UTP20: variants seen among roughly 807,000 people sequenced by gnomAD.
UTP20 encodes the protein UTP20 small subunit processome component.
UTP20 carries 164 observed loss-of-function variants against 329.5 expected under a neutral mutation model. The observed-to-expected ratio is 0.50, with a 90% CI of 0.44 to 0.57. The LOEUF (loss-of-function observed/expected upper bound fraction) is 0.57, where lower values mean the gene tolerates loss of function less well. Among genes scored for constraint, UTP20 ranks in the 20% least tolerant of loss-of-function variants. The probability of loss-of-function intolerance (pLI) is 0.00; values close to 1 mark genes in which losing one functional copy is unlikely to be tolerated. For missense variants in UTP20, 3,055 were observed against 3,284.2 expected, an observed-to-expected ratio of 0.93 and a Z score of 1.71; for synonymous variants, 1,151 against 1,159.3, an observed-to-expected ratio of 0.99 and a Z score of 0.14.
chr12:101,369,738 A>G lies in UTP20; in HGVS notation c.6402A>G (p.Leu2134=), dbSNP rs764960098. Residue 2134 remains leucine (L), a synonymous_variant, in exon 49 of 62, where the codon TTA becomes TTG. Transcript: ENST00000261637. ...SMDVKVITGA[L]QCLIWVLRFP... is the part of the protein sequence containing the mutation. The stretch of plus-strand genomic sequence containing the variant: ...TTTTTCAGGTGATCACAGGTGCTTT[A>G]CAGTGCCTCATCTGGGTCTTGAGGT... The G allele has an allele frequency of 1.9e-6, 3 of 1,582,188 alleles. No homozygotes were observed. The East Asian group carries it at 6.7e-5, about 35-fold the overall frequency.
chr12:101,306,098 C>T (rs1376413054), intron 16 of UTP20, 33 bp downstream of exon 16: 8 of 1,574,768 alleles, frequency 5.1e-6, no homozygotes, highest in Admixed American at 1.8e-5. Flanking sequence ...TGTCCTCAGT[C>T]TCTCTTCTCC....
At position 101,357,016 on chromosome 12, in the gene UTP20, T is replaced by C. The variant is rs773625131; in HGVS notation, c.5625T>C (p.Asp1875=). 2.5e-6 allele frequency: 4 copies of C among 1,613,912 alleles called. No individual in the cohort carries two copies. The highest frequency in any genetic ancestry group is 3.4e-6 in the Non-Finnish European group (4 of 1,179,934). ...ARSTLAKIIE[D]LGVHFLLYVL... ...GCACTCTTGCGAAAATAATAGAGGATCTTGGTGTGCACTTCCTCCTATATG... is the reference window on the plus strand; with the variant it reads ...GCACTCTTGCGAAAATAATAGAGGACCTTGGTGTGCACTTCCTCCTATATG... Residue 1875 remains aspartate (D), a synonymous_variant, in exon 43 of 62, where the codon GAT becomes GAC. Coordinates refer to ENST00000261637, the MANE Select transcript of UTP20 (RefSeq NM_014503.3).
In UTP20 at chr12:101,383,185, T is replaced by A; in HGVS notation, c.7801T>A (p.Ser2601Thr). ...GVACADEKAESDGEEKEEVKE... is the reference protein window; with the variant it reads ...GVACADEKAETDGEEKEEVKE... Reference sequence around the variant, plus strand: ...GGCCTGTGCAGATGAGAAGGCGGAGTCTGACGGAGAAGAGAAGGAAGAGGT... The same window carrying A: ...GGCCTGTGCAGATGAGAAGGCGGAGACTGACGGAGAAGAGAAGGAAGAGGT... Residue 2601 changes from serine (S) to threonine (T), a missense_variant, in exon 59 of 62, where the codon TCT becomes ACT. By Grantham distance (58) the Ser-to-Thr change is moderately conservative. Transcript: ENST00000261637. 2 of 1,613,666 alleles carry A rather than the reference T, an allele frequency of 1.2e-6. No homozygotes were observed. The highest frequency in any genetic ancestry group is 1.7e-6 in the Non-Finnish European group (2 of 1,179,906).
chr12:101,384,964 C>G (rs1401336246), intron 60 of UTP20, among the ~76,000 whole-genome samples: 1 of 152,076 alleles, frequency 6.6e-6, no homozygotes, highest in East Asian at 1.9e-4. Flanking sequence ...AGCTTGTGAT[C>G]TAGAACAGAT....
rs75708807 is a variant in UTP20, at chr12:101,379,278, A to G, written c.7397-93A>G. ...GTTCATCTTTGGTTCCCCACTCCAA[A>G]CACATAATACTCTGTAAATGCTTAA... On this transcript the variant is annotated intron_variant, in intron 56 of 61. Coordinates refer to ENST00000261637, the MANE Select transcript of UTP20 (RefSeq NM_014503.3). 9.8e-4 allele frequency: 1,167 copies of G among 1,190,702 alleles called. 15 individuals carry two copies. In the African/African-American group the frequency reaches 0.016, roughly 17 times the overall value. 73.8% of individuals were successfully genotyped at this position (1,190,702 alleles called of 1,614,324 possible). A position where few individuals can be genotyped will look rare whatever the true frequency, so the allele number is the denominator to read the frequency against.
In UTP20 at chr12:101,385,439, A is replaced by G. The variant is rs878986131; in HGVS notation, c.8057-144A>G. On this transcript the variant is annotated intron_variant, in intron 60 of 61. Coordinates refer to ENST00000261637, the MANE Select transcript of UTP20 (RefSeq NM_014503.3). ...GAAGTAACAGTGATAATGCTGCAAG[A>G]GTTGAAATTTTGTTTTGTTTTATTT... 9.0e-6 allele frequency: 8 copies of G among 891,118 alleles called. No homozygotes were observed. The South Asian group carries it at 1.2e-4, about 13-fold the overall frequency. 55.2% of individuals were successfully genotyped at this position (891,118 alleles called of 1,614,324 possible). A position where few individuals can be genotyped will look rare whatever the true frequency, so the allele number is the denominator to read the frequency against.
intron 51 of UTP20, 129 bp downstream of exon 51, chr12:101,371,297 G>A (rs963461493): frequency 1.8e-5 from 12 of 671,372 alleles, no homozygotes; most frequent in African/African-American, 7.4e-5. Context: ...TGAGACTTGG[G>A]CGTCCTGGTG....
chr12:101,307,833 T>C (rs1044879452), intron 17 of UTP20, among the ~76,000 whole-genome samples: 1 of 152,238 alleles, frequency 6.6e-6, no homozygotes, highest in African/African-American at 2.4e-5. Context: ...GATATGTTTA[T>C]GTAGGGAAAT....
At chr12:101,307,205 T>C (rs947645828) in intron 17 of UTP20, among the ~76,000 whole-genome samples, 2 of 151,396 alleles carry the variant, frequency 1.3e-5, no homozygotes, top group Non-Finnish European at 2.9e-5. Flanking sequence ...TTGATTTTTT[T>C]TTTTTGGTAA....
At chr12:101,304,916 C>G (rs977254068) in intron 15 of UTP20, among the ~76,000 whole-genome samples, 2 of 152,168 alleles carry the variant, frequency 1.3e-5, no homozygotes, top group African/African-American at 4.8e-5. Flanking sequence ...ATGGCCTCCT[C>G]GATGTTCCTG....
chr12:101,374,189 C>A (rs1388744036), intron 54 of UTP20, among the ~76,000 whole-genome samples: 1 of 150,800 alleles, frequency 6.6e-6, no homozygotes, highest in Non-Finnish European at 1.5e-5. Context: ...GAGCCGAGGT[C>A]CCGCCACTGC....
chr12:101,317,805 C>T, intron 22 of UTP20, 142 bp downstream of exon 22: 1 of 979,018 alleles, frequency 1.0e-6, no homozygotes, highest in African/African-American at 1.7e-5. Context: ...TCTTTAACAG[C>T]CTAAAACTGT....
intron 43 of UTP20, among the ~76,000 whole-genome samples, chr12:101,361,715 G>C (rs1869928483): frequency 6.6e-6 from 1 of 151,982 alleles, no homozygotes; most frequent in Non-Finnish European, 1.5e-5. Context: ...ATAAATCACT[G>C]GCCTGGTTTA....
In UTP20 at chr12:101,302,773, G is replaced by A. The variant is rs925126860; in HGVS notation, c.1781+220G>A. 3.9e-5 allele frequency among the ~76,000 whole-genome samples: 6 copies of A among 152,184 alleles called. No homozygotes were observed. The East Asian group carries it at 7.7e-4, about 19-fold the overall frequency. ...ATCTTTGTAAAGGGTGTTTTATTGCGTGTGTAGATTAATGTCGTAAAGTTT... is the reference window on the plus strand; with the variant it reads ...ATCTTTGTAAAGGGTGTTTTATTGCATGTGTAGATTAATGTCGTAAAGTTT... On this transcript the variant is annotated intron_variant, in intron 15 of 61. Coordinates refer to ENST00000261637, the MANE Select transcript of UTP20 (RefSeq NM_014503.3).
In UTP20 at chr12:101,329,259, T is replaced by G; in HGVS notation, c.3227T>G (p.Val1076Gly). The stretch of plus-strand genomic sequence containing the variant: ...TCACTAGGAGAGTGCCATTCTGCAG[T>G]CATTCAAGCAGTAGAAGACTTGGAT... ...HFKNGECHSA[V>G]IQAVEDLDLS... The change falls in exon 27 of 62, where the codon GTC (valine) becomes GGC (glycine). Residue 1076 changes from valine (V) to glycine (G), a missense_variant. Val to Gly is a moderately radical substitution (Grantham distance 109). Transcript: ENST00000261637. 6.2e-7 allele frequency: 1 copy of G among 1,614,162 alleles called. No individual in the cohort carries two copies.
Position 101,340,558 on chromosome 12 carries a change from C to G in UTP20, c.4049C>G (p.Ser1350Cys), listed in dbSNP as rs759421118. The stretch of plus-strand genomic sequence containing the variant: ...TTTATGAAAGACAAAGAACAAAGTT[C>G]TGTACTCATTACGCTTCTCCTTCCA... ...SKFMKDKEQS[S>C]VLITLLLPFL... The change falls in exon 32 of 62, where the codon TCT (serine) becomes TGT (cysteine). Residue 1350 changes from serine (S) to cysteine (C), a missense_variant. Transcript: ENST00000261637. The G allele has an allele frequency of 1.9e-6, 3 of 1,611,672 alleles. No homozygotes were observed. The highest frequency in any genetic ancestry group is 1.1e-5 in the South Asian group (1 of 90,504).
chr12:101,317,392 G>A, intron 21 of UTP20, 86 bp from the exon 22 acceptor site: 1 of 1,409,372 alleles, frequency 7.1e-7, no homozygotes. Flanking sequence ...TCTGTGAACT[G>A]TGGACATCTC....
Position 101,370,388 on chromosome 12 carries a change from C to T in UTP20, c.6556-44C>T, listed in dbSNP as rs1443278687. 3 of 1,589,788 alleles carry T rather than the reference C, an allele frequency of 1.9e-6. No homozygotes were observed. In the African/African-American group the frequency reaches 4.0e-5, roughly 21 times the overall value. On this transcript the variant is annotated intron_variant, in intron 49 of 61. Coordinates refer to ENST00000261637, the MANE Select transcript of UTP20 (RefSeq NM_014503.3). Reference sequence around the variant, plus strand: ...TCCTTGTCATTTCACTGGATCCCAACTGTGGGATGTGCTGGCTGTTAACAT... The same window carrying T: ...TCCTTGTCATTTCACTGGATCCCAATTGTGGGATGTGCTGGCTGTTAACAT...
chr12:101,335,980 G>A (rs1294155252), intron 29 of UTP20, among the ~76,000 whole-genome samples: 8 of 152,186 alleles, frequency 5.3e-5, no homozygotes, highest in African/African-American at 7.2e-5. Flanking sequence ...CATCCAGGAA[G>A]ACTTTACAAT....
Sources: gnomAD v4.1 joint callset for allele counts (sites outside exome capture counted in the v4.1 genomes callset) on GRCh38, gnomAD v4.1.1 for gene constraint, MANE v1.5 for transcripts, NCBI Gene and HGNC (gene_info 2026-07-23, HGNC 2026-07-21) for gene names.